The following USP6NL variants were observed in gnomAD, a reference collection of about 807,000 sequenced individuals.
USP6NL encodes USP6 N-terminal like.
USP6NL carries 26 observed loss-of-function variants against 61.9 expected under a neutral mutation model. The ratio of observed to expected loss-of-function variants is 0.42; its 90% confidence interval spans 0.31 to 0.58. The LOEUF is 0.58. Among genes scored for constraint, USP6NL ranks in the 20% least tolerant of loss-of-function variants. The probability of loss-of-function intolerance (pLI) is 0.16; values close to 1 mark genes in which losing one functional copy is unlikely to be tolerated. For missense variants in USP6NL, 1,114 were observed against 1,034.3 expected (o/e 1.08, Z -1.06); for synonymous variants, 432 against 390.1 (o/e 1.11, Z -1.27).
intron 6 of USP6NL, 89 bp from the exon 7 acceptor site, chr10:11,501,297 T>G (rs564135375): frequency 1.9e-6 from 2 of 1,050,302 alleles, no homozygotes; most frequent in Admixed American, 2.7e-5. Flanking sequence ...TTTGTTAGCA[T>G]TGTATTTTCA....
At chr10:11,501,910 C>T (rs561919109) in intron 6 of USP6NL, among the ~76,000 whole-genome samples, 5 of 152,196 alleles carry the variant, frequency 3.3e-5, no homozygotes, top group Non-Finnish European at 2.9e-5. Flanking sequence ...ACAAAAACAA[C>T]GATAAATCTT....
In USP6NL at chr10:11,611,312, CCCT is replaced by C. The variant is rs1347741168; in HGVS notation, c.-84+128_-84+130del. 6.6e-6 allele frequency: 1 copy of C among 151,986 alleles called. No individual in the cohort carries two copies. Among genetic ancestry groups the C allele is most frequent in the Admixed American group, 6.6e-5 (1 of 15,256 alleles). The allele number at this position is 151,986 out of a possible 1,614,324, so 9.4% of individuals were successfully genotyped here. A position where few individuals can be genotyped will look rare whatever the true frequency, so the allele number is the denominator to read the frequency against. On this transcript the variant is annotated intron_variant, in intron 1 of 14. Coordinates refer to ENST00000609104, the MANE Select transcript of USP6NL (RefSeq NM_014688.5). The surrounding 1 kb of genome is among the most constrained non-coding windows in gnomAD (Gnocchi z 5.3). ...CCGAGCCGCGAACCGCAGCCGCGTCCCCTCCTCCAGGGGCCGGGAATGGCGGCG... is the reference window on the plus strand; with the variant it reads ...CCGAGCCGCGAACCGCAGCCGCGTCCCCTCCAGGGGCCGGGAATGGCGGCG...
Position 11,485,890 on chromosome 10 carries a change from G to A in USP6NL, c.686C>T (p.Pro229Leu). Reference protein sequence around the residue: ...AMHGFFVQGFPKLLRFQEHHE... With the variant: ...AMHGFFVQGFLKLLRFQEHHE... Reference sequence around the variant, plus strand: ...ATGTTCTTGAAACCTCAAGAGTTTAGGAAAACCTTGGACAAAAAAGCCTAG... The same window carrying A: ...ATGTTCTTGAAACCTCAAGAGTTTAAGAAAACCTTGGACAAAAAAGCCTAG... Residue 229 changes from proline to leucine, a missense_variant, in exon 11 of 15, where the codon CCT (proline) becomes CTT (leucine). Pro to Leu is a moderately conservative substitution (Grantham distance 98). Transcript: ENST00000609104. The surrounding 1 kb of genome is among the most constrained non-coding windows in gnomAD (Gnocchi z 4.8). 6.5e-7 allele frequency: 1 copy of A among 1,549,828 alleles called. No individual in the cohort carries two copies. The highest frequency in any genetic ancestry group is 8.7e-7 in the Non-Finnish European group (1 of 1,147,508).
intron 14 of USP6NL, among the ~76,000 whole-genome samples, chr10:11,479,895 A>C (rs1833129166): frequency 6.6e-6 from 1 of 152,034 alleles, no homozygotes; most frequent in African/African-American, 2.4e-5. Context: ...TTTTAAAAGG[A>C]CAGATGTGAC....
intron 2 of USP6NL, among the ~76,000 whole-genome samples, chr10:11,543,819 T>G (rs1419150168): frequency 1.5e-5 from 2 of 132,640 alleles, no homozygotes; most frequent in Admixed American, 7.5e-5. Context: ...TTTTTTTTTT[T>G]TTTTTTTTTT....
intron 4 of USP6NL, among the ~76,000 whole-genome samples, chr10:11,519,671 AC>A (rs1835123019): frequency 6.6e-6 from 1 of 152,176 alleles, no homozygotes; most frequent in African/African-American, 2.4e-5. Flanking sequence ...AGAATGCTTC[AC>A]TGTCAAAATT....
rs1356502508 is a variant in USP6NL at position 11,466,160 on chromosome 10, A to C, written c.1079-2311T>G. ...AATGGTTAACATGGGTTCGGCTTCCAAAGTGTTTTCCCTAGACACTCAGCT... is the reference window on the plus strand; with the variant it reads ...AATGGTTAACATGGGTTCGGCTTCCCAAGTGTTTTCCCTAGACACTCAGCT... On this transcript the variant is annotated intron_variant, in intron 14 of 14. Transcript: ENST00000609104. 2.0e-5 allele frequency among the ~76,000 whole-genome samples: 3 copies of C among 152,340 alleles called. No individual in the cohort carries two copies. In the East Asian group the frequency reaches 5.8e-4, roughly 29 times the overall value.
chr10:11,501,997 G>A (rs932128155), intron 6 of USP6NL, among the ~76,000 whole-genome samples: 7 of 152,120 alleles, frequency 4.6e-5, no homozygotes, highest in African/African-American at 1.7e-4. Context: ...AGTGGCTCAC[G>A]CCTGTAATCC....
rs976769449 is a variant in USP6NL, at chr10:11,574,016, A to G, written c.4+23615T>C. ...GGTAATCTTCTGTAAATCACTAAGC[A>G]AAGTGAAAACATTTTCTCACAAAAG... On this transcript the variant is annotated intron_variant, in intron 2 of 14. Coordinates refer to ENST00000609104, the MANE Select transcript of USP6NL (RefSeq NM_014688.5). This position sits in a 1 kb window ranked among gnomAD's most constrained non-coding sequence, Gnocchi z 4.3. Among the ~76,000 whole-genome samples, 9 of 152,230 alleles carry G rather than the reference A, an allele frequency of 5.9e-5. No individual in the cohort carries two copies. Among genetic ancestry groups the G allele is most frequent in the Admixed American group, 2.6e-4 (4 of 15,282 alleles).
chr10:11,509,251 AG>A (rs1337190727), intron 6 of USP6NL, among the ~76,000 whole-genome samples: 1 of 152,186 alleles, frequency 6.6e-6, no homozygotes, highest in African/African-American at 2.4e-5. Flanking sequence ...CTGACCTCAA[AG>A]GGAAGCCAAC....
Position 11,595,242 on chromosome 10 carries a change from A to G in USP6NL, c.4+2389T>C, listed in dbSNP as rs1445682956. On this transcript the variant is annotated intron_variant, in intron 2 of 14. Transcript: ENST00000609104. The surrounding 1 kb of genome is among the most constrained non-coding windows in gnomAD (Gnocchi z 5.3). ...TAGATCAGACATCTAACAGGAACATAAAGGGTGAGGCACACTGAAGGCACA... is the reference window on the plus strand; with the variant it reads ...TAGATCAGACATCTAACAGGAACATGAAGGGTGAGGCACACTGAAGGCACA... 6.6e-6 allele frequency among the ~76,000 whole-genome samples: 1 copy of G among 152,184 alleles called. No homozygotes were observed. Among genetic ancestry groups the G allele is most frequent in the African/African-American group, 2.4e-5 (1 of 41,442 alleles).
At chr10:11,570,147 C>G (rs1187316402) in intron 2 of USP6NL, among the ~76,000 whole-genome samples, 1 of 152,144 alleles carries the variant, frequency 6.6e-6, no homozygotes, top group Non-Finnish European at 1.5e-5. Flanking sequence ...CCTCTCACCA[C>G]CAAATGAGGG....
chr10:11,481,033 T>C lies in USP6NL; in HGVS notation c.1078+737A>G, dbSNP rs1363988484. 1.3e-5 allele frequency among the ~76,000 whole-genome samples: 2 copies of C among 152,144 alleles called. No homozygotes were observed. Among genetic ancestry groups the C allele is most frequent in the African/African-American group, 4.8e-5 (2 of 41,416 alleles). Reference sequence around the variant, plus strand: ...CTGCACTCCCCTTCTTCTGCTCCTCTCCCATTTACCCTGCGGCTAGCTCTA... The same window carrying C: ...CTGCACTCCCCTTCTTCTGCTCCTCCCCCATTTACCCTGCGGCTAGCTCTA... On this transcript the variant is annotated intron_variant, in intron 14 of 14. Coordinates refer to ENST00000609104, the MANE Select transcript of USP6NL (RefSeq NM_014688.5). This position sits in a 1 kb window ranked among gnomAD's most constrained non-coding sequence, Gnocchi z 4.4.
chr10:11,533,556 A>G (rs1453500479), intron 2 of USP6NL, among the ~76,000 whole-genome samples: 1 of 152,212 alleles, frequency 6.6e-6, no homozygotes, highest in Non-Finnish European at 1.5e-5. Context: ...AGGAGGAGGC[A>G]GTGTGATGGT....
intron 5 of USP6NL, among the ~76,000 whole-genome samples, chr10:11,512,015 A>G (rs1008438869): frequency 6.6e-6 from 1 of 152,152 alleles, no homozygotes; most frequent in African/African-American, 2.4e-5. Context: ...ATACTTTCTC[A>G]CCAAAGATGC....
At chr10:11,565,663 A>G (rs1837118736) in intron 2 of USP6NL, 1 of 152,108 alleles carries the variant, frequency 6.6e-6, no homozygotes, top group South Asian at 2.1e-4. Flanking sequence ...AAAAGAATAT[A>G]TCATCCAGAA....
Position 11,490,425 on chromosome 10 carries a change from T to C in USP6NL, c.543+407A>G, listed in dbSNP as rs1469242399. ...TCTTGTTTGGACCTCACCTAATAGA[T>C]AAATGTGATTGTGAAAAGTAACCTC... On this transcript the variant is annotated intron_variant, in intron 9 of 14. Coordinates refer to ENST00000609104, the MANE Select transcript of USP6NL (RefSeq NM_014688.5). The surrounding 1 kb of genome is among the most constrained non-coding windows in gnomAD (Gnocchi z 4.5). Among the ~76,000 whole-genome samples, 1 of 152,150 alleles carries C rather than the reference T, an allele frequency of 6.6e-6. No individual in the cohort carries two copies. Among genetic ancestry groups the C allele is most frequent in the African/African-American group, 2.4e-5 (1 of 41,432 alleles).
chr10:11,522,340 C>T (rs1035338045), intron 4 of USP6NL, among the ~76,000 whole-genome samples: 1 of 152,062 alleles, frequency 6.6e-6, no homozygotes, highest in Non-Finnish European at 1.5e-5. Flanking sequence ...AGAACTAAGA[C>T]AGTAGAAAAA....
In USP6NL at chr10:11,528,537, G is replaced by T. The variant is rs1021848710; in HGVS notation, c.5-970C>A. Among the ~76,000 whole-genome samples, 1 of 152,154 alleles carries T rather than the reference G, an allele frequency of 6.6e-6. No homozygotes were observed. Among genetic ancestry groups the T allele is most frequent in the African/African-American group, 2.4e-5 (1 of 41,410 alleles). On this transcript the variant is annotated intron_variant, in intron 2 of 14. Coordinates refer to ENST00000609104, the MANE Select transcript of USP6NL (RefSeq NM_014688.5). This position sits in a 1 kb window ranked among gnomAD's most constrained non-coding sequence, Gnocchi z 4.6. ...ATGAATCCTACACCGCGATAAAAAA[G>T]AGGCTTAGAGATTTTACGCAACTTG...
Sources: allele counts gnomAD v4.1 joint callset (sites outside exome capture counted in the v4.1 genomes callset), GRCh38; gene constraint gnomAD v4.1.1; non-coding constraint Gnocchi (gnomAD v3.1); transcripts MANE v1.5; gene names NCBI Gene and HGNC (gene_info 2026-07-23, HGNC 2026-07-21).